The following TXNRD1 variants were observed in gnomAD, a reference collection of about 807,000 sequenced individuals.
The protein encoded by TXNRD1 is thioredoxin reductase 1, cytoplasmic.
TXNRD1 carries 57 observed loss-of-function variants against 80.3 expected under a neutral mutation model. That is an observed-to-expected ratio of 0.71 (90% CI 0.57 to 0.89). The LOEUF (loss-of-function observed/expected upper bound fraction) is 0.89. Among genes scored for constraint, TXNRD1 ranks in the 40% least tolerant of loss-of-function variants. The pLI is 0.00. For missense variants in TXNRD1, 730 were observed against 803.0 expected (o/e 0.91, Z 1.10); for synonymous variants, 291 against 285.2 (o/e 1.02, Z -0.20).
chr12:104,286,971 C>G, intron 3 of TXNRD1: 1 of 1,246,112 alleles, frequency 8.0e-7, no homozygotes, highest in Non-Finnish European at 1.0e-6. Flanking sequence ...GCCCGCTCGG[C>G]GCAGGGCGTG....
chr12:104,336,482 G>A (rs1004941924), intron 15 of TXNRD1, among the ~76,000 whole-genome samples: 8 of 152,196 alleles, frequency 5.3e-5, no homozygotes, highest in African/African-American at 1.9e-4. Context: ...TCAGTCACTT[G>A]ACTTCAGTGT....
At chr12:104,297,625 A>C (rs551426241) in intron 4 of TXNRD1, among the ~76,000 whole-genome samples, 1 of 152,218 alleles carries the variant, frequency 6.6e-6, no homozygotes, top group East Asian at 1.9e-4. Context: ...TCAGCCTCCA[A>C]AAGTGCTGAG....
chr12:104,217,643 CA>C (rs1343103213), intron 1 of TXNRD1, among the ~76,000 whole-genome samples: 2 of 152,140 alleles, frequency 1.3e-5, no homozygotes, highest in East Asian at 3.9e-4. Flanking sequence ...CAGTTTTCAG[CA>C]GTATTAAGTA....
At chr12:104,276,625 C>G (rs1284003313) in intron 3 of TXNRD1, 2 of 152,206 alleles carry the variant, frequency 1.3e-5, no homozygotes, top group Non-Finnish European at 2.9e-5. Context: ...GCTGAAGTGC[C>G]AGTTGAATTT....
intron 6 of TXNRD1, among the ~76,000 whole-genome samples, chr12:104,314,744 T>TC (rs1565897157): frequency 6.9e-6 from 1 of 145,014 alleles, no homozygotes; most frequent in African/African-American, 2.6e-5. Context: ...TTTTCTTTTT[T>TC]TTTTTTTTTT....
At chr12:104,240,772 T>TTGCTCTGTCACCCAGGCTGGAGTGC (rs1342546612) in intron 1 of TXNRD1, among the ~76,000 whole-genome samples, 2 of 148,686 alleles carry the variant, frequency 1.3e-5, no homozygotes, top group Non-Finnish European at 3.0e-5. Context: ...TTTTGGAGTG[T>TTGCTCTGTCACCCAGGCTGGAGTGC]TGCTCTGTCA....
intron 1 of TXNRD1, among the ~76,000 whole-genome samples, chr12:104,230,774 G>A (rs1342377998): frequency 2.0e-5 from 3 of 152,172 alleles, no homozygotes; most frequent in Non-Finnish European, 4.4e-5. Context: ...GCAGAAAAGT[G>A]GCTACTTATA....
At chr12:104,332,343 A>T (rs2035979599) in intron 14 of TXNRD1, among the ~76,000 whole-genome samples, 1 of 152,206 alleles carries the variant, frequency 6.6e-6, no homozygotes, top group African/African-American at 2.4e-5. Flanking sequence ...TTAAAAATAA[A>T]AAGCCTATTT....
Position 104,311,359 on chromosome 12 carries a change from G to A in TXNRD1, c.484G>A (p.Asp162Asn). The change falls in exon 5 of 17, where the codon GAC (aspartate) becomes AAC (asparagine). Residue 162 changes from aspartate (D) to asparagine (N), a missense_variant. Asp to Asn is a conservative substitution (Grantham distance 23, BLOSUM62 1). Coordinates refer to ENST00000525566, the MANE Select transcript of TXNRD1 (RefSeq NM_001093771.3). ...CCCTGAAGATCTTCCCAAGTCCTAT[G>A]ACTATGACCTTATCATCATTGGAGG... is the stretch of plus-strand genomic sequence containing the variant. ...NGPEDLPKSY[D>N]YDLIIIGGGS... The A allele has an allele frequency of 6.2e-7, 1 of 1,613,486 alleles. No individual in the cohort carries two copies. Among genetic ancestry groups the A allele is most frequent in the Non-Finnish European group, 8.5e-7 (1 of 1,179,706 alleles).
chr12:104,266,963 A>AAAAT (rs924569730), intron 3 of TXNRD1, among the ~76,000 whole-genome samples: 1 of 151,860 alleles, frequency 6.6e-6, no homozygotes, highest in Non-Finnish European at 1.5e-5. Context: ...CTCCGTCTCA[A>AAAAT]AAATAAATAA....
intron 1 of TXNRD1, among the ~76,000 whole-genome samples, chr12:104,216,227 CCGTTAGGGCGT>C (rs2032205807): frequency 6.6e-6 from 1 of 152,224 alleles, no homozygotes; most frequent in Admixed American, 6.5e-5. Flanking sequence ...CGCTCAGGGC[CCGTTAGGGCGT>C]CCTCTTCCTA....
chr12:104,273,216 A>G (rs1337126933), intron 3 of TXNRD1, among the ~76,000 whole-genome samples: 1 of 152,198 alleles, frequency 6.6e-6, no homozygotes, highest in Non-Finnish European at 1.5e-5. Flanking sequence ...TGGAGCCGGC[A>G]GCCCACGGCA....
At chr12:104,258,806 C>A (rs770556165) in intron 3 of TXNRD1, among the ~76,000 whole-genome samples, 16 of 152,046 alleles carry the variant, frequency 1.1e-4, no homozygotes, top group Admixed American at 7.2e-4. Context: ...GGCATGAGCC[C>A]ATAGTTCTAG....
intron 4 of TXNRD1, chr12:104,304,456 A>T: frequency 6.2e-7 from 1 of 1,614,060 alleles, no homozygotes; most frequent in Non-Finnish European, 8.5e-7. Flanking sequence ...TTTTTGGTTC[A>T]TTCAAGCTAG....
chr12:104,337,809 C>T (rs1409044435), intron 15 of TXNRD1, among the ~76,000 whole-genome samples: 1 of 151,834 alleles, frequency 6.6e-6, no homozygotes, highest in African/African-American at 2.4e-5. Flanking sequence ...TTTTTAGAGA[C>T]AGGGTCTTAC....
chr12:104,248,563 C>T (rs148957412), intron 1 of TXNRD1, among the ~76,000 whole-genome samples: 68 of 152,250 alleles, frequency 4.5e-4, no homozygotes, highest in African/African-American at 1.5e-3. Context: ...GAATTACGGG[C>T]GGGTGTGAGC....
intron 15 of TXNRD1, among the ~76,000 whole-genome samples, chr12:104,337,919 T>C (rs2036191844): frequency 6.7e-6 from 1 of 150,360 alleles, no homozygotes; most frequent in African/African-American, 2.4e-5. Flanking sequence ...CCCAAGTAGC[T>C]GGGACTACAG....
chr12:104,223,074 G>C lies in TXNRD1; in HGVS notation c.91+7181G>C, dbSNP rs183131637. On this transcript the variant is annotated intron_variant, in intron 1 of 16. Transcript: ENST00000525566. ...AGTCAACTTCTTTCTTTACTTCCAA[G>C]TTTGGACATTTTTCTTAAGATTGTG... Among the ~76,000 whole-genome samples the C allele has an allele frequency of 1.9e-3, 283 of 152,234 alleles. 1 individual carries two copies. Among genetic ancestry groups the C allele is most frequent in the African/African-American group, 6.3e-3 (263 of 41,532 alleles).
chr12:104,336,441 T>TTCTTTATTCATTTTGAATAA, intron 15 of TXNRD1, among the ~76,000 whole-genome samples: 1 of 152,362 alleles, frequency 6.6e-6, no homozygotes, highest in East Asian at 1.9e-4. Context: ...AGAACTTCAC[T>TTCTTTATTCATTTTGAATAA]ATCCCTGGGG....
Sources: gnomAD v4.1 joint callset for allele counts (sites outside exome capture counted in the v4.1 genomes callset) on GRCh38, gnomAD v4.1.1 for gene constraint, MANE v1.5 for transcripts, NCBI Gene and HGNC (gene_info 2026-07-23, HGNC 2026-07-21) for gene names.